The following SYNCRIP variants were observed in gnomAD, a reference collection of about 807,000 sequenced individuals.
SYNCRIP encodes the protein synaptotagmin binding cytoplasmic RNA interacting protein.
SYNCRIP carries 9 observed loss-of-function variants against 68.9 expected under a neutral mutation model. The observed-to-expected ratio is 0.13, with a 90% confidence interval of 0.08 to 0.23. The LOEUF (loss-of-function observed/expected upper bound fraction) is 0.23. Ranked by LOEUF, SYNCRIP falls within the 10% of genes least tolerant of loss-of-function variation. SYNCRIP has a pLI of 1.00. For missense variants in SYNCRIP, 414 were observed against 770.6 expected (o/e 0.54, Z 5.48); for synonymous variants, 258 against 254.0 (o/e 1.02, Z -0.15).
At chr6:85,608,859 G>A (rs185001794) in exon 12 of SYNCRIP, 1 of 152,064 alleles carries the variant, frequency 6.6e-6, no homozygotes, top group Admixed American at 6.5e-5. Flanking sequence ...GGTGCTAATA[G>A]AATTTAAGTC....
At chr6:85,639,859 T>C (rs137924336) in intron 4 of SYNCRIP, among the ~76,000 whole-genome samples, 5 of 152,310 alleles carry the variant, frequency 3.3e-5, no homozygotes, top group Admixed American at 6.5e-5. Context: ...TCATTGGGGT[T>C]TGAGACTCCT....
chr6:85,617,355 C>G (rs1316426016), intron 10 of SYNCRIP, among the ~76,000 whole-genome samples: 1 of 152,190 alleles, frequency 6.6e-6, no homozygotes, highest in Non-Finnish European at 1.5e-5. Flanking sequence ...TGTAACTGCT[C>G]TAATCACATT....
chr6:85,614,875 A>C lies in SYNCRIP; in HGVS notation c.1753T>G (p.Trp585Gly). The C allele has an allele frequency of 6.2e-7, 1 of 1,614,124 alleles. No individual in the cohort carries two copies. The highest frequency in any genetic ancestry group is 8.5e-7 in the Non-Finnish European group (1 of 1,180,024). ...SKRRQTNNQN[W>G]GSQPIAQQPL... The stretch of plus-strand genomic sequence containing the variant: ...TGCTGAGCAATGGGTTGGGAGCCCC[A>C]GTTCTGATTATTGGTCTGGCGCCGC... Residue 585 changes from tryptophan (W) to glycine (G), a missense_variant, in exon 11 of 11, where the codon TGG becomes GGG. This residue lies in a region of SYNCRIP where 130 missense variants were observed against 149.0 expected (regional missense o/e 0.87). Coordinates refer to ENST00000369622, the MANE Select transcript of SYNCRIP (RefSeq NM_006372.5).
chr6:85,626,571 T>C (rs1807056861), intron 6 of SYNCRIP, among the ~76,000 whole-genome samples: 1 of 152,158 alleles, frequency 6.6e-6, no homozygotes, highest in South Asian at 2.1e-4. Context: ...TTCTTAGTTC[T>C]ACCAAGAAAA....
At chr6:85,637,188 G>A (rs745764617) in intron 5 of SYNCRIP, 45 bp from the exon 6 acceptor site, 46 of 1,606,204 alleles carry the variant, frequency 2.9e-5, no homozygotes, top group Middle Eastern at 1.7e-4. Context: ...ATTGCTTTAG[G>A]AAACCAGATA....
chr6:85,630,855 T>C (rs1285746626), intron 6 of SYNCRIP, among the ~76,000 whole-genome samples: 1 of 152,156 alleles, frequency 6.6e-6, no homozygotes. Flanking sequence ...ATGTAAATAA[T>C]TTACAAAGTC....
At chr6:85,627,810 GATTA>G (rs1175433831) in intron 6 of SYNCRIP, among the ~76,000 whole-genome samples, 2 of 152,100 alleles carry the variant, frequency 1.3e-5, no homozygotes, top group African/African-American at 2.4e-5. Flanking sequence ...AGAAAATGAA[GATTA>G]ATTATGATCA....
intron 9 of SYNCRIP, 33 bp downstream of exon 9, chr6:85,619,235 T>G (rs1225806696): frequency 4.4e-6 from 7 of 1,601,968 alleles, no homozygotes; most frequent in Non-Finnish European, 5.9e-6. Flanking sequence ...TTTGTTAGTC[T>G]GATTTAGATG....
chr6:85,631,442 T>C (rs996581414), intron 6 of SYNCRIP, among the ~76,000 whole-genome samples: 1 of 151,556 alleles, frequency 6.6e-6, no homozygotes, highest in Non-Finnish European at 1.5e-5. Flanking sequence ...CTTGTCTGGA[T>C]AGGGCCTTGT....
chr6:85,635,896 A>G (rs1365423099), intron 6 of SYNCRIP, among the ~76,000 whole-genome samples: 1 of 152,162 alleles, frequency 6.6e-6, no homozygotes, highest in African/African-American at 2.4e-5. Flanking sequence ...AGGGAGGGAA[A>G]AAAAAATGAG....
chr6:85,628,377 GTCT>G (rs1421892351), intron 6 of SYNCRIP, among the ~76,000 whole-genome samples: 3 of 152,096 alleles, frequency 2.0e-5, no homozygotes, highest in Non-Finnish European at 4.4e-5. Context: ...TAATTATAAA[GTCT>G]TCTTTACAAT....
Position 85,641,307 on chromosome 6 carries a change from C to T in SYNCRIP, c.133G>A (p.Glu45Lys). Residue 45 changes from glutamate (E) to lysine (K), a missense_variant, in exon 2 of 11, where the codon GAA becomes AAA. Physicochemically the swap from Glu to Lys is moderately conservative, Grantham distance 56. Around this residue, in one of 6 missense-constraint regions of SYNCRIP, gnomAD observed 51 missense variants for 63.7 expected, o/e 0.80. Transcript: ENST00000369622. ...TAGTTCTTACCTGCAACGTAAATTT[C>T]ATCTAGTTTTTCAGCAACTTTCTGT... is the stretch of plus-strand genomic sequence containing the variant. ...LPQKVAEKLD[E>K]IYVAGLVAHS... is the part of the protein sequence containing the mutation. 1 of 1,611,096 alleles carries T rather than the reference C, an allele frequency of 6.2e-7. No individual in the cohort carries two copies. The highest frequency in any genetic ancestry group is 8.5e-7 in the Non-Finnish European group (1 of 1,179,882).
At chr6:85,624,189 A>G (rs1047881070) in intron 6 of SYNCRIP, 77 bp from the exon 7 acceptor site, 3 of 1,407,546 alleles carry the variant, frequency 2.1e-6, no homozygotes, top group Non-Finnish European at 2.0e-6. Flanking sequence ...GATACACAAG[A>G]GCAAATCATC....
chr6:85,609,633 TG>T (rs1805093994), downstream of SYNCRIP: 1 of 151,918 alleles, frequency 6.6e-6, no homozygotes, highest in Non-Finnish European at 1.5e-5. Context: ...AAAGCATGCT[TG>T]GGAGAATATA....
intron 4 of SYNCRIP, among the ~76,000 whole-genome samples, chr6:85,638,588 A>AG (rs1808759476): frequency 6.6e-6 from 1 of 152,148 alleles, no homozygotes; most frequent in South Asian, 2.1e-4. Flanking sequence ...TGCATAATCT[A>AG]GGGTCACCTC....
In SYNCRIP at chr6:85,618,936, T is replaced by G; in HGVS notation, c.1162A>C (p.Met388Leu). 2 of 1,608,276 alleles carry G rather than the reference T, an allele frequency of 1.2e-6. No homozygotes were observed. The highest frequency in any genetic ancestry group is 1.7e-6 in the Non-Finnish European group (2 of 1,177,932). Residue 388 changes from methionine (M) to leucine (L), a missense_variant, in exon 10 of 11, where the codon ATG (methionine) becomes CTG (leucine). By Grantham distance (15) the Met-to-Leu change is conservative (BLOSUM62 2). Transcript: ENST00000369622. ...AAGTCTTTGCCATTCATTTCTTCCATAGCCTTAAAAAATTAGATAAGTCAA... is the reference window on the plus strand; with the variant it reads ...AAGTCTTTGCCATTCATTTCTTCCAGAGCCTTAAAAAATTAGATAAGTCAA... ...FDERDGAVKAMEEMNGKDLEG... is the reference protein window; with the variant it reads ...FDERDGAVKALEEMNGKDLEG...
At chr6:85,630,132 C>CA (rs1807558092) in intron 6 of SYNCRIP, among the ~76,000 whole-genome samples, 1 of 152,026 alleles carries the variant, frequency 6.6e-6, no homozygotes, top group African/African-American at 2.4e-5. Context: ...GAGGCTGAGA[C>CA]AGGCGGATCA....
In SYNCRIP at chr6:85,636,119, A is replaced by G. The variant is rs117106524; in HGVS notation, c.666+848T>C. Among the ~76,000 whole-genome samples the G allele has an allele frequency of 9.0e-3, 1,371 of 152,310 alleles. 24 individuals carry two copies. Among genetic ancestry groups the G allele is most frequent in the South Asian group, 0.058 (278 of 4,828 alleles). ...ACAGAACTTAATAAAACTAGTTTAAAGGACTTACATAAACTATAATTTAAA... is the reference window on the plus strand; with the variant it reads ...ACAGAACTTAATAAAACTAGTTTAAGGGACTTACATAAACTATAATTTAAA... On this transcript the variant is annotated intron_variant, in intron 6 of 10. Transcript: ENST00000369622.
chr6:85,620,463 G>A lies in SYNCRIP; in HGVS notation c.1009-1046C>T, dbSNP rs576333682. Among the ~76,000 whole-genome samples, 4 of 152,322 alleles carry A rather than the reference G, an allele frequency of 2.6e-5. No homozygotes were observed. In the East Asian group the frequency reaches 5.8e-4, roughly 22 times the overall value. On this transcript the variant is annotated intron_variant, in intron 8 of 10. Coordinates refer to ENST00000369622, the MANE Select transcript of SYNCRIP (RefSeq NM_006372.5). The stretch of plus-strand genomic sequence containing the variant: ...TATGGTTCCAACTATGTAACATTCT[G>A]AGAAGGCAAAACTATGGAGACAGTG...
Sources: allele counts gnomAD v4.1 joint callset (sites outside exome capture counted in the v4.1 genomes callset), GRCh38; gene constraint gnomAD v4.1.1; regional missense constraint gnomAD v4.1.1; transcripts MANE v1.5; gene names NCBI Gene and HGNC (gene_info 2026-07-23, HGNC 2026-07-21).